EDDM3A: variants seen among roughly 807,000 people sequenced by gnomAD.
The protein encoded by EDDM3A is epididymal protein 3A, also known as epididymal secretory protein E3-alpha.
For synonymous variants in EDDM3A, 75 were observed against 60.4 expected (o/e 1.24, Z -1.12); for missense variants, 199 against 177.4 (o/e 1.12, Z -0.69).
At chr14:20,744,561 G>T (rs1200812259), upstream of EDDM3A, among the ~76,000 whole-genome samples, 2 of 152,162 alleles carry the variant, frequency 1.3e-5, no homozygotes, top group African/African-American at 4.8e-5. Context: ...GAAAATTCCG[G>T]CTGTGATGTT....
upstream of EDDM3A, among the ~76,000 whole-genome samples, chr14:20,745,512 C>T (rs1377896125): frequency 2.1e-5 from 3 of 141,872 alleles, no homozygotes; most frequent in Non-Finnish European, 4.6e-5. Context: ...GGCAACAGAG[C>T]GAGACTCCAT....
At chr14:20,745,471 A>T (rs577593982), upstream of EDDM3A, among the ~76,000 whole-genome samples, 18 of 151,154 alleles carry the variant, frequency 1.2e-4, no homozygotes, top group Non-Finnish European at 2.4e-4. Flanking sequence ...GCTTGCAGTG[A>T]GCCGAGATCT....
At chr14:20,745,141 G>T (rs2139079697), upstream of EDDM3A, among the ~76,000 whole-genome samples, 1 of 151,796 alleles carries the variant, frequency 6.6e-6, no homozygotes, top group South Asian at 2.1e-4. Context: ...TGGGAGGATT[G>T]CTTGAGCCTG....
chr14:20,748,086 T>G lies in EDDM3A; in HGVS notation c.*62T>G. The G allele has an allele frequency of 3.0e-5, 38 of 1,273,174 alleles. No individual in the cohort carries two copies. The highest frequency in any genetic ancestry group is 3.6e-5 in the Non-Finnish European group (33 of 919,688). 78.9% of individuals were successfully genotyped at this position (1,273,174 alleles called of 1,614,324 possible). A position where few individuals can be genotyped will look rare whatever the true frequency, so the allele number is the denominator to read the frequency against. On this transcript the variant is annotated 3_prime_UTR_variant, in exon 2 of 2. Transcript: ENST00000326842. ...TCAGTGCTTCCAAAGTGGTGGGCCCTGCCTCCATCAATAGCCCCTGCCACT... is the reference window on the plus strand; with the variant it reads ...TCAGTGCTTCCAAAGTGGTGGGCCCGGCCTCCATCAATAGCCCCTGCCACT...
the EDDM3A span, among the ~76,000 whole-genome samples, chr14:20,738,276 A>T: frequency 1.3e-5 from 2 of 152,142 alleles, no homozygotes; most frequent in Admixed American, 1.3e-4. Flanking sequence ...GATTGAGACC[A>T]TGCTGGCCAA....
chr14:20,748,108 C>A lies in EDDM3A; in HGVS notation c.*84C>A, dbSNP rs1405239555. ...CCCTGCCTCCATCAATAGCCCCTGCCACTCCCCGCTTACATTTATGTGTCA... is the reference window on the plus strand; with the variant it reads ...CCCTGCCTCCATCAATAGCCCCTGCAACTCCCCGCTTACATTTATGTGTCA... On this transcript the variant is annotated 3_prime_UTR_variant, in exon 2 of 2. Coordinates refer to ENST00000326842, the MANE Select transcript of EDDM3A (RefSeq NM_006683.5). 3 of 957,952 alleles carry A rather than the reference C, an allele frequency of 3.1e-6. No homozygotes were observed. Among genetic ancestry groups the A allele is most frequent in the Non-Finnish European group, 4.7e-6 (3 of 641,420 alleles). 59.3% of individuals were successfully genotyped at this position (957,952 alleles called of 1,614,324 possible).
At position 20,747,801 on chromosome 14, in the gene EDDM3A, T is replaced by C. The variant is rs1877648099; in HGVS notation, c.221T>C (p.Phe74Ser). ...SFHMFIYSLWFKIQRACINEK... is the reference protein window; with the variant it reads ...SFHMFIYSLWSKIQRACINEK... The stretch of plus-strand genomic sequence containing the variant: ...CATATGTTCATCTATAGCTTATGGT[T>C]CAAAATTCAGCGTGCATGCATCAAT... Residue 74 changes from phenylalanine to serine, a missense_variant, in exon 2 of 2, where the codon TTC becomes TCC. Coordinates refer to ENST00000326842, the MANE Select transcript of EDDM3A (RefSeq NM_006683.5). 4 of 1,614,144 alleles carry C rather than the reference T, an allele frequency of 2.5e-6. No individual in the cohort carries two copies. The highest frequency in any genetic ancestry group is 3.4e-6 in the Non-Finnish European group (4 of 1,180,032).
chr14:20,743,406 CG>C (rs1234087947), upstream of EDDM3A, among the ~76,000 whole-genome samples: 8 of 152,054 alleles, frequency 5.3e-5, no homozygotes, highest in Admixed American at 3.3e-4. Flanking sequence ...AAAAATTACC[CG>C]GATGTGTTGG....
upstream of EDDM3A, among the ~76,000 whole-genome samples, chr14:20,744,402 G>A (rs75018515): frequency 9.4e-3 from 1,425 of 152,330 alleles, 6 homozygotes; most frequent in Non-Finnish European, 0.016. Context: ...AACTAAGGTG[G>A]TTTGGCTAGG....
chr14:20,744,951 T>G (rs11626305), upstream of EDDM3A, among the ~76,000 whole-genome samples: 2 of 152,120 alleles, frequency 1.3e-5, no homozygotes, highest in African/African-American at 4.8e-5. Context: ...CCTGACCAAG[T>G]GGCTCATGCC....
the EDDM3A span, among the ~76,000 whole-genome samples, chr14:20,740,043 A>G: frequency 1.4e-4 from 21 of 152,026 alleles, no homozygotes; most frequent in Non-Finnish European, 2.9e-4. Context: ...CCAAGACTGC[A>G]CTCCTCACTT....
At chr14:20,741,908 T>A (rs1165196044), upstream of EDDM3A, among the ~76,000 whole-genome samples, 2 of 152,180 alleles carry the variant, frequency 1.3e-5, no homozygotes, top group Admixed American at 6.5e-5. Flanking sequence ...TCTGAAACTA[T>A]GAAAGTGAAG....
chr14:20,738,959 C>T, the EDDM3A span, among the ~76,000 whole-genome samples: 27 of 152,198 alleles, frequency 1.8e-4, no homozygotes, highest in Non-Finnish European at 3.2e-4. Context: ...CTATCTGGCA[C>T]AGAGAAGGAG....
chr14:20,736,148 C>A, the EDDM3A span, among the ~76,000 whole-genome samples: 1 of 151,164 alleles, frequency 6.6e-6, no homozygotes, highest in Non-Finnish European at 1.5e-5. Context: ...CTCACTCTGT[C>A]ACCCAGGCTG....
In EDDM3A at chr14:20,747,964, C is replaced by T. The variant is rs759499952; in HGVS notation, c.384C>T (p.Gly128=). The change falls in exon 2 of 2, where the codon GGC becomes GGT. Residue 128 remains glycine (G), a synonymous_variant. Transcript: ENST00000326842. ...TCAGCTACATTGAATTCCATTGTGG[C>T]GTAGATGGATATGTTGATAACATAG... ...RSFSYIEFHC[G]VDGYVDNIED... is the part of the protein sequence containing the mutation. 2.5e-6 allele frequency: 4 copies of T among 1,613,624 alleles called. No individual in the cohort carries two copies. Among genetic ancestry groups the T allele is most frequent in the East Asian group, 2.2e-5 (1 of 44,862 alleles).
upstream of EDDM3A, among the ~76,000 whole-genome samples, chr14:20,744,858 T>C (rs1019365089): frequency 2.0e-5 from 3 of 152,196 alleles, no homozygotes; most frequent in African/African-American, 7.2e-5. Flanking sequence ...CATTCATAGC[T>C]ATTTGGCCAC....
the EDDM3A span, among the ~76,000 whole-genome samples, chr14:20,738,577 A>T: frequency 6.6e-6 from 1 of 152,176 alleles, no homozygotes; most frequent in South Asian, 2.1e-4. Flanking sequence ...TCATTTGATA[A>T]ATACTCTTCA....
chr14:20,747,175 C>T (rs1298499533), intron 1 of EDDM3A, among the ~76,000 whole-genome samples: 8 of 145,052 alleles, frequency 5.5e-5, no homozygotes, highest in Non-Finnish European at 1.2e-4. Flanking sequence ...GTGATGTCGG[C>T]TCACCGCAAC....
Position 20,747,740 on chromosome 14 carries a change from A to C in EDDM3A, c.160A>C (p.Met54Leu). 1 of 1,614,192 alleles carries C rather than the reference A, an allele frequency of 6.2e-7. No homozygotes were observed. Among genetic ancestry groups the C allele is most frequent in the Non-Finnish European group, 8.5e-7 (1 of 1,180,036 alleles). Residue 54 changes from methionine to leucine, a missense_variant, in exon 2 of 2, where the codon ATG becomes CTG. Met to Leu is a conservative substitution (Grantham distance 15, BLOSUM62 2). Coordinates refer to ENST00000326842, the MANE Select transcript of EDDM3A (RefSeq NM_006683.5). ...CAAAGAGTACAAATGTGATGTCCTCATGAGAGAAAAAGAGGCTCTGAAAGG... is the reference window on the plus strand; with the variant it reads ...CAAAGAGTACAAATGTGATGTCCTCCTGAGAGAAAAAGAGGCTCTGAAAGG... Reference protein sequence around the residue: ...EFKEYKCDVLMREKEALKGKS... With the variant: ...EFKEYKCDVLLREKEALKGKS...
Sources: allele counts gnomAD v4.1 joint callset (sites outside exome capture counted in the v4.1 genomes callset), GRCh38; gene constraint gnomAD v4.1.1; transcripts MANE v1.5; gene names NCBI Gene and HGNC (gene_info 2026-07-23, HGNC 2026-07-21).